Variants in KIF3B observed in about 807,000 individuals in gnomAD.
KIF3B encodes kinesin-like protein KIF3B.
KIF3B carries 38 observed loss-of-function variants against 74.3 expected under a neutral mutation model. The observed-to-expected ratio is 0.51, with a 90% CI of 0.39 to 0.67. The LOEUF (loss-of-function observed/expected upper bound fraction) is 0.67. KIF3B is among the 30% of genes least tolerant of loss of function. The pLI is 0.00. For missense variants in KIF3B, 649 were observed against 932.0 expected (o/e 0.70, Z 3.95); for synonymous variants, 326 against 342.5 (o/e 0.95, Z 0.53).
intron 1 of KIF3B, among the ~76,000 whole-genome samples, chr20:32,284,478 C>T (rs1569186559): frequency 6.6e-6 from 1 of 152,082 alleles, no homozygotes. Context: ...TACCATGTCC[C>T]CAGGACCTTG....
chr20:32,303,391 C>A (rs1167422153), intron 1 of KIF3B, among the ~76,000 whole-genome samples: 1 of 149,876 alleles, frequency 6.7e-6, no homozygotes, highest in East Asian at 2.0e-4. Context: ...ATGGTGAAAC[C>A]CCATCTCTAC....
chr20:32,320,322 A>G (rs1473523235), intron 5 of KIF3B, among the ~76,000 whole-genome samples: 1 of 152,108 alleles, frequency 6.6e-6, no homozygotes, highest in Non-Finnish European at 1.5e-5. Flanking sequence ...TTATAGCACA[A>G]AAGATTTCCG....
intron 1 of KIF3B, among the ~76,000 whole-genome samples, chr20:32,294,105 A>G (rs1246424616): frequency 8.5e-5 from 13 of 152,122 alleles, no homozygotes; most frequent in Admixed American, 7.9e-4. Context: ...ATTGAATACA[A>G]TAAAACCCAA....
At chr20:32,331,163 C>T in intron 8 of KIF3B, 60 bp from the exon 9 acceptor site, 10 of 1,186,042 alleles carry the variant, frequency 8.4e-6, no homozygotes, top group Non-Finnish European at 1.2e-5. Flanking sequence ...TTAATGACAT[C>T]TGATGTGTCA....
rs2047638091 is a variant in KIF3B at position 32,280,659 on chromosome 20, G to C, written c.-66+2894G>C. Among the ~76,000 whole-genome samples, 9 of 136,518 alleles carry C rather than the reference G, an allele frequency of 6.6e-5. No homozygotes were observed. The South Asian group carries it at 2.2e-3, about 33-fold the overall frequency. The allele number at this position is 136,518 out of a possible 152,430, so 89.6% of individuals were successfully genotyped here. The stretch of plus-strand genomic sequence containing the variant: ...GAACCGGGGAGGTGGAACTTGCAGT[G>C]AGCCAAGATTGCGCCACTGCACTCC... On this transcript the variant is annotated intron_variant, in intron 1 of 8. Transcript: ENST00000375712.
rs1287033607 is a variant in KIF3B, at chr20:32,309,740, T to C, written c.-38T>C. On this transcript the variant is annotated 5_prime_UTR_variant, in exon 2 of 9. Transcript: ENST00000375712. The stretch of plus-strand genomic sequence containing the variant: ...CCGTAGCATCCTGAGACATTTTGAA[T>C]TGACACTTCTCAAGATTTGACTGGA... The C allele has an allele frequency of 6.3e-7, 1 of 1,582,448 alleles. No homozygotes were observed. The highest frequency in any genetic ancestry group is 8.6e-7 in the Non-Finnish European group (1 of 1,163,710).
intron 1 of KIF3B, among the ~76,000 whole-genome samples, chr20:32,300,853 T>C (rs1246088153): frequency 6.6e-6 from 1 of 151,808 alleles, no homozygotes; most frequent in East Asian, 1.9e-4. Context: ...TTGTTGTTGT[T>C]GTTGTTGTTG....
At chr20:32,324,841 C>A (rs1366096644) in intron 5 of KIF3B, among the ~76,000 whole-genome samples, 3 of 152,058 alleles carry the variant, frequency 2.0e-5, no homozygotes, top group Non-Finnish European at 4.4e-5. Context: ...CCAGCCTGGG[C>A]AACATGGTGA....
Position 32,309,930 on chromosome 20 carries a change from T to G in KIF3B, c.153T>G (p.His51Gln). 1 of 1,614,132 alleles carries G rather than the reference T, an allele frequency of 6.2e-7. No individual in the cohort carries two copies. Among genetic ancestry groups the G allele is most frequent in the Non-Finnish European group, 8.5e-7 (1 of 1,180,018 alleles). ...TGAAGAACCCCAAAGGGACGGCCCA[T>G]GAAATGCCCAAGACCTTCACCTTTG... ...VSVKNPKGTA[H>Q]EMPKTFTFDA... The change falls in exon 2 of 9, where the codon CAT becomes CAG. Residue 51 changes from histidine to glutamine, a missense_variant. Physicochemically the swap from His to Gln is conservative, Grantham distance 24 (BLOSUM62 0). Transcript: ENST00000375712.
chr20:32,291,614 T>A lies in KIF3B; in HGVS notation c.-66+13849T>A, dbSNP rs187532593. 1.7e-3 allele frequency among the ~76,000 whole-genome samples: 219 copies of A among 126,804 alleles called. 2 individuals carry two copies. Among genetic ancestry groups the A allele is most frequent in the African/African-American group, 6.4e-3 (203 of 31,558 alleles). 83.2% of individuals were successfully genotyped at this position (126,804 alleles called of 152,430 possible). On this transcript the variant is annotated intron_variant, in intron 1 of 8. Coordinates refer to ENST00000375712, the MANE Select transcript of KIF3B (RefSeq NM_004798.4). The stretch of plus-strand genomic sequence containing the variant: ...TGTTCCAATTTCCTTGATTGTCTTA[T>A]ACATTTTTTTTTTTTTTTTGAGACA...
intron 1 of KIF3B, among the ~76,000 whole-genome samples, chr20:32,306,579 CTCTT>C (rs2047772242): frequency 8.5e-6 from 1 of 117,792 alleles, no homozygotes; most frequent in Non-Finnish European, 1.7e-5. Flanking sequence ...AAAGTTTTTC[CTCTT>C]TTTTTTTTTT....
chr20:32,284,040 C>T (rs2047656115), intron 1 of KIF3B, among the ~76,000 whole-genome samples: 1 of 151,670 alleles, frequency 6.6e-6, no homozygotes, highest in African/African-American at 2.4e-5. Context: ...GTCAGCCATC[C>T]AAGTAGCTGA....
intron 2 of KIF3B, among the ~76,000 whole-genome samples, chr20:32,315,069 G>A (rs1457378102): frequency 1.3e-5 from 2 of 152,144 alleles, no homozygotes; most frequent in African/African-American, 4.8e-5. Flanking sequence ...TCCCCAACTA[G>A]GGAGGAGGCC....
intron 1 of KIF3B, among the ~76,000 whole-genome samples, chr20:32,291,554 C>T (rs976262289): frequency 6.6e-5 from 10 of 151,614 alleles, no homozygotes; most frequent in African/African-American, 1.5e-4. Context: ...TTTTTTTACA[C>T]GTAAAAATAA....
At chr20:32,331,180 GA>G (rs759221660) in intron 8 of KIF3B, 42 bp from the exon 9 acceptor site, 124 of 1,405,890 alleles carry the variant, frequency 8.8e-5, no homozygotes, top group Non-Finnish European at 1.1e-4. Flanking sequence ...GTCAGGGACA[GA>G]GATGGGGACA....
intron 1 of KIF3B, among the ~76,000 whole-genome samples, chr20:32,296,342 T>C (rs1248423684): frequency 6.6e-6 from 1 of 152,154 alleles, no homozygotes; most frequent in East Asian, 1.9e-4. Context: ...CAAGAGATAT[T>C]AAAGGGTAAA....
chr20:32,317,098 G>A (rs552862483), intron 5 of KIF3B, among the ~76,000 whole-genome samples: 4 of 145,764 alleles, frequency 2.7e-5, no homozygotes, highest in East Asian at 2.4e-4. Flanking sequence ...TTAGCTGGGC[G>A]TGGTGGTGCA....
chr20:32,297,878 C>T (rs866355732), intron 1 of KIF3B, among the ~76,000 whole-genome samples: 3 of 151,674 alleles, frequency 2.0e-5, no homozygotes, highest in Admixed American at 6.6e-5. Context: ...GAGGCTGAGG[C>T]GGGCAGATCA....
chr20:32,310,524 C>T lies in KIF3B; in HGVS notation c.747C>T (p.Ser249=), dbSNP rs202021047. 82 of 1,613,792 alleles carry T rather than the reference C, an allele frequency of 5.1e-5. No homozygotes were observed. In the African/African-American group the frequency reaches 7.6e-4, roughly 15 times the overall value. ...GKLNLVDLAG[S]ERQAKTGAQG... is the part of the protein sequence containing the mutation. The stretch of plus-strand genomic sequence containing the variant: ...TGAACCTTGTAGATCTTGCTGGCAG[C>T]GAACGGCAAGCCAAGACCGGCGCAC... Residue 249 remains serine, a synonymous_variant, in exon 2 of 9, where the codon AGC becomes AGT. Transcript: ENST00000375712. This position sits in a 1 kb window ranked among gnomAD's most constrained non-coding sequence, Gnocchi z 6.5.
Sources: allele counts gnomAD v4.1 joint callset (sites outside exome capture counted in the v4.1 genomes callset), GRCh38; gene constraint gnomAD v4.1.1; non-coding constraint Gnocchi (gnomAD v3.1); transcripts MANE v1.5; gene names NCBI Gene and HGNC (gene_info 2026-07-23, HGNC 2026-07-21).